The following MUC5B variants were observed in gnomAD, a reference collection of about 807,000 sequenced individuals.
The protein encoded by MUC5B is mucin 5B, oligomeric mucus/gel-forming.
A neutral mutation model predicts 376.9 loss-of-function variants in MUC5B; 116 were observed. The ratio of observed to expected loss-of-function variants is 0.31; its 90% CI spans 0.26 to 0.36. MUC5B has a LOEUF of 0.36. MUC5B is among the 10% of genes least tolerant of loss of function. The pLI is 1.00. For synonymous variants in MUC5B, 3,517 were observed against 3,390.9 expected, an observed-to-expected ratio of 1.04 and a Z score of -1.29; for missense variants, 7,165 against 7,769.9, an observed-to-expected ratio of 0.92 and a Z score of 2.93.
At chr11:1,233,326 C>T (rs1395248259) in intron 18 of MUC5B, 58 bp downstream of exon 18, 2 of 1,453,764 alleles carry the variant, frequency 1.4e-6, no homozygotes, top group African/African-American at 2.8e-5. Context: ...ACTTCCCGCC[C>T]TCCCCGAAGG....
rs545297955 is a variant in MUC5B, at chr11:1,231,432, C to T, written c.1550C>T (p.Thr517Ile). The change falls in exon 14 of 49, where the codon ACC becomes ATC. Residue 517 changes from threonine to isoleucine, a missense_variant. Thr to Ile is a moderately conservative substitution (Grantham distance 89). Around this residue, in one of 31 missense-constraint regions of MUC5B, gnomAD observed 640 missense variants for 733.0 expected, o/e 0.87. Coordinates refer to ENST00000529681, the MANE Select transcript of MUC5B (RefSeq NM_002458.3). The part of the protein sequence containing the change: ...TQLPLSAANI[T>I]LFTPSSFFIV... ...CCCACACTCCCGGCAGCCAACATCACCCTGTTCACACCCTCGAGCTTCTTC... is the reference window on the plus strand; with the variant it reads ...CCCACACTCCCGGCAGCCAACATCATCCTGTTCACACCCTCGAGCTTCTTC... 4.3e-5 allele frequency: 70 copies of T among 1,611,248 alleles called. 1 individual carries two copies. The South Asian group carries it at 7.0e-4, about 16-fold the overall frequency.
intron 19 of MUC5B, 30 bp downstream of exon 19, chr11:1,233,878 T>TGCCCC (rs748724481): frequency 1.1e-6 from 1 of 907,444 alleles, no homozygotes. Flanking sequence ...TGCCCTGCCC[T>TGCCCC]GCCCCGCCCC....
chr11:1,235,528 CGGGCTGCTGTTCCAAGCAGCCACAAACCA>C (rs1862137843), intron 23 of MUC5B, 115 bp downstream of exon 23: 1 of 891,686 alleles, frequency 1.1e-6, no homozygotes, highest in South Asian at 1.4e-5. Flanking sequence ...GTCCTGGCCC[CGGGCTGCTGTTCCAAGCAGCCACAAACCA>C]GGGGGCTTAG....
chr11:1,224,468 G>T (rs1022795156), intron 1 of MUC5B, among the ~76,000 whole-genome samples: 1 of 150,514 alleles, frequency 6.6e-6, no homozygotes, highest in Non-Finnish European at 1.5e-5. Flanking sequence ...GGGGCTGCCT[G>T]GGGGGGAGGG....
chr11:1,246,665 T>C lies in MUC5B; in HGVS notation c.9785T>C (p.Met3262Thr), dbSNP rs369000531. ...CAGACCACCACACCCACGGCCACCATGTCCACAGCCACACCCTCCTCTACT... is the reference window on the plus strand; with the variant it reads ...CAGACCACCACACCCACGGCCACCACGTCCACAGCCACACCCTCCTCTACT... ...LSQTTTPTAT[M>T]STATPSSTPE... Residue 3262 changes from methionine (M) to threonine (T), a missense_variant, in exon 31 of 49, where the codon ATG (methionine) becomes ACG (threonine). Met to Thr is a moderately conservative substitution (Grantham distance 81, BLOSUM62 -1). Around this residue, in one of 31 missense-constraint regions of MUC5B, gnomAD observed 939 missense variants for 770.6 expected, o/e 1.22. Coordinates refer to ENST00000529681, the MANE Select transcript of MUC5B (RefSeq NM_002458.3). The C allele has an allele frequency of 6.2e-7, 1 of 1,609,336 alleles. No homozygotes were observed. The highest frequency in any genetic ancestry group is 8.5e-7 in the Non-Finnish European group (1 of 1,177,660).
In MUC5B at chr11:1,257,586, G is replaced by T; in HGVS notation, c.16326G>T (p.Val5442=). The T allele has an allele frequency of 6.2e-7, 1 of 1,606,772 alleles. No homozygotes were observed. The change falls in exon 41 of 49, where the codon GTG becomes GTT. Residue 5442 remains valine (V), a synonymous_variant. Coordinates refer to ENST00000529681, the MANE Select transcript of MUC5B (RefSeq NM_002458.3). This position sits in a 1 kb window ranked among gnomAD's most constrained non-coding sequence, Gnocchi z 8.9. ...CCTGCGTGTGTGACGAGGGTTCAGT[G>T]TCGGTGCAGTGCAAGCCCCTGCCCT... ...CQSCVCDEGS[V]SVQCKPLPCD...
At chr11:1,228,147 G>T (rs899496035) in intron 7 of MUC5B, among the ~76,000 whole-genome samples, 1 of 152,304 alleles carries the variant, frequency 6.6e-6, no homozygotes, top group Non-Finnish European at 1.5e-5. Flanking sequence ...CTTAAGTTGT[G>T]CTGTGAATGA....
intron 47 of MUC5B, 79 bp from the exon 48 acceptor site, chr11:1,260,547 G>T: frequency 6.8e-7 from 1 of 1,478,834 alleles, no homozygotes. Context: ...GTGGTCCCAT[G>T]GGGAGGGTCG....
Position 1,260,651 on chromosome 11 carries a change from G to A in MUC5B, c.16992G>A (p.Thr5664=), listed in dbSNP as rs761001271. Reference sequence around the variant, plus strand: ...ACTCCTGTCAAGTCCGCATCAACACGACCATCCTGTGGCACCAGGGCTGCG... The same window carrying A: ...ACTCCTGTCAAGTCCGCATCAACACAACCATCCTGTGGCACCAGGGCTGCG... The part of the protein sequence containing the change: ...EEDSCQVRIN[T]TILWHQGCET... The change falls in exon 48 of 49, where the codon ACG becomes ACA. Residue 5664 remains threonine (T), a synonymous_variant. Transcript: ENST00000529681. 9.9e-6 allele frequency: 16 copies of A among 1,612,474 alleles called. No individual in the cohort carries two copies. Among genetic ancestry groups the A allele is most frequent in the East Asian group, 2.2e-5 (1 of 44,878 alleles).
At chr11:1,236,149 C>T (rs934110431) in intron 23 of MUC5B, among the ~76,000 whole-genome samples, 1 of 152,180 alleles carries the variant, frequency 6.6e-6, no homozygotes, top group Non-Finnish European at 1.5e-5. Flanking sequence ...ACTGCAGCCT[C>T]TGCTGCTCCC....
rs1187295522 is a variant in MUC5B at position 1,232,463 on chromosome 11, G to A, written c.1857G>A (p.Arg619=). ...TCTTCCCCACAGAGAACTACGCCCG[G>A]CACTGGTGCTCGCGCCTGACCGATC... The part of the protein sequence containing the change: ...SLSVENENYA[R]HWCSRLTDPN... Residue 619 remains arginine (R), a synonymous_variant, in exon 16 of 49, where the codon CGG becomes CGA. Transcript: ENST00000529681. The A allele has an allele frequency of 1.2e-6, 2 of 1,607,756 alleles. No homozygotes were observed. Among genetic ancestry groups the A allele is most frequent in the Non-Finnish European group, 1.7e-6 (2 of 1,177,880 alleles).
In MUC5B at chr11:1,248,017, T is replaced by C. The variant is rs748436238; in HGVS notation, c.11137T>C (p.Ser3713Pro). 3.7e-6 allele frequency: 6 copies of C among 1,607,494 alleles called. No homozygotes were observed. The African/African-American group carries it at 6.8e-5, about 18-fold the overall frequency. The stretch of plus-strand genomic sequence containing the variant: ...GTCCACTGGATCCACGGCCACCCCG[T>C]CCTCCACCCCAGGGACCACCTGGAT... ...TESTGSTATP[S>P]STPGTTWILT... The change falls in exon 31 of 49, where the codon TCC becomes CCC. Residue 3713 changes from serine to proline, a missense_variant. Ser to Pro is a moderately conservative substitution (Grantham distance 74). This residue lies in a region of MUC5B where 90 missense variants were observed against 71.1 expected (regional missense o/e 1.27). Coordinates refer to ENST00000529681, the MANE Select transcript of MUC5B (RefSeq NM_002458.3).
rs1336544627 is a variant in MUC5B, at chr11:1,255,197, C to T, written c.15821C>T (p.Ala5274Val). The T allele has an allele frequency of 1.3e-6, 2 of 1,548,770 alleles. No individual in the cohort carries two copies. Among genetic ancestry groups the T allele is most frequent in the South Asian group, 1.2e-5 (1 of 83,996 alleles). The change falls in exon 36 of 49, where the codon GCC becomes GTC. Residue 5274 changes from alanine (A) to valine (V), a missense_variant. Transcript: ENST00000529681. ...ACACCCCCCACTGCCAGCCCCGCAG[C>T]CCCGGTGTCTAGCACACCCACCCCC... ...TGTPPTASPAAPVSSTPTPTP... is the reference protein window; with the variant it reads ...TGTPPTASPAVPVSSTPTPTP...
intron 1 of MUC5B, among the ~76,000 whole-genome samples, chr11:1,224,275 C>A (rs987022092): frequency 6.6e-6 from 1 of 152,114 alleles, no homozygotes; most frequent in South Asian, 2.1e-4. Context: ...ACCAGATGCA[C>A]GTCCTGTGGC....
intron 8 of MUC5B, among the ~76,000 whole-genome samples, 193 bp downstream of exon 8, chr11:1,228,958 G>A (rs1166280238): frequency 6.6e-6 from 1 of 151,882 alleles, no homozygotes; most frequent in South Asian, 2.1e-4. Context: ...GCAGGAGAAG[G>A]AGAGGCTGTG....
chr11:1,223,168 G>A lies in MUC5B; in HGVS notation c.45G>A (p.Ala15=), dbSNP rs375611103. The change falls in exon 1 of 49, where the codon GCG becomes GCA. Residue 15 remains alanine, a synonymous_variant. Coordinates refer to ENST00000529681, the MANE Select transcript of MUC5B (RefSeq NM_002458.3). ...SACRTLVLAL[A]AMLVVPQAET... is the part of the protein sequence containing the mutation. The stretch of plus-strand genomic sequence containing the variant: ...GCCGGACGCTGGTGTTGGCTCTGGC[G>A]GCCATGCTCGTGGTGCCGCAGGCAG... 1.4e-5 allele frequency: 10 copies of A among 710,562 alleles called. No individual in the cohort carries two copies. The highest frequency in any genetic ancestry group is 6.0e-5 in the Admixed American group (3 of 49,974). 44.0% of individuals were successfully genotyped at this position (710,562 alleles called of 1,614,324 possible).
chr11:1,226,262 TC>T lies in MUC5B; in HGVS notation c.189del (p.Ser64AlafsTer2). 1 of 1,555,930 alleles carries T rather than the reference TC, an allele frequency of 6.4e-7. No homozygotes were observed. Among genetic ancestry groups the T allele is most frequent in the Non-Finnish European group, 8.7e-7 (1 of 1,151,340 alleles). ...RVSFVPPVTV[F>X]PSLSPLNPAH... The stretch of plus-strand genomic sequence containing the variant: ...AGCTTTGTTCCACCCGTCACTGTCT[TC>T]CCCAGCCTGAGCCGTAAGCAGATGC... On this transcript the variant is annotated frameshift_variant, in exon 3 of 49. Coordinates refer to ENST00000529681, the MANE Select transcript of MUC5B (RefSeq NM_002458.3). LOFTEE classifies it high-confidence loss of function.
intron 44 of MUC5B, 89 bp downstream of exon 44, chr11:1,259,150 G>A (rs1437641765): frequency 6.2e-6 from 8 of 1,299,680 alleles, no homozygotes; most frequent in Non-Finnish European, 8.2e-6. Flanking sequence ...GGTGAGACCT[G>A]AGTCACCCGC....
At chr11:1,231,937 G>T (rs1163774661) in intron 14 of MUC5B, 59 bp from the exon 15 acceptor site, 2 of 1,605,312 alleles carry the variant, frequency 1.2e-6, no homozygotes, top group African/African-American at 2.7e-5. Context: ...GGATGGCAGG[G>T]GCCAGGAGCC....
Sources: allele counts gnomAD v4.1 joint callset (sites outside exome capture counted in the v4.1 genomes callset), GRCh38; gene constraint gnomAD v4.1.1; regional missense constraint gnomAD v4.1.1; non-coding constraint Gnocchi (gnomAD v3.1); transcripts MANE v1.5; gene names NCBI Gene and HGNC (gene_info 2026-07-23, HGNC 2026-07-21).